TMEM161B: variants seen among roughly 807,000 people sequenced by gnomAD.
The protein encoded by TMEM161B is transmembrane protein 161B.
A neutral mutation model predicts 61.8 loss-of-function variants in TMEM161B; 34 were observed. That is an observed-to-expected ratio of 0.55 (90% CI 0.42 to 0.73). The LOEUF is 0.73. Among genes scored for constraint, TMEM161B ranks in the 30% least tolerant of loss-of-function variants. The probability of loss-of-function intolerance (pLI) is 0.00; values close to 1 mark genes in which losing one functional copy is unlikely to be tolerated. For missense variants in TMEM161B, 456 were observed against 558.5 expected, an observed-to-expected ratio of 0.82 and a Z score of 1.85; for synonymous variants, 167 against 192.8, an observed-to-expected ratio of 0.87 and a Z score of 1.11.
At chr5:88,213,563 G>T (rs1254036560) in intron 5 of TMEM161B, among the ~76,000 whole-genome samples, 6 of 104,314 alleles carry the variant, frequency 5.8e-5, no homozygotes, top group African/African-American at 1.5e-4. Flanking sequence ...AAATACAAAA[G>T]AAAACTATCT....
At chr5:88,238,957 C>G (rs1368882046) in intron 2 of TMEM161B, among the ~76,000 whole-genome samples, 1 of 151,896 alleles carries the variant, frequency 6.6e-6, no homozygotes, top group Non-Finnish European at 1.5e-5. Flanking sequence ...ATCCTTAGAA[C>G]CTGATATGGC....
chr5:88,202,198 G>A, intron 9 of TMEM161B: 2 of 449,702 alleles, frequency 4.4e-6, no homozygotes, highest in South Asian at 3.1e-5. Context: ...AGGAGAGCTG[G>A]AGTTTGAACC....
chr5:88,205,802 T>A lies in TMEM161B; in HGVS notation c.800+12A>T. ...ATTTATCTGCATGTGCTTATGTACA[T>A]TTTCCGCTTACTGTGTAATTTTTTC... On this transcript the variant is annotated intron_variant, in intron 8 of 11. Transcript: ENST00000296595. 6.2e-7 allele frequency: 1 copy of A among 1,611,634 alleles called. No homozygotes were observed.
At chr5:88,258,950 GC>G (rs1215906811) in intron 1 of TMEM161B, among the ~76,000 whole-genome samples, 3 of 152,162 alleles carry the variant, frequency 2.0e-5, no homozygotes, top group Admixed American at 6.5e-5. Flanking sequence ...TTTAAAAACA[GC>G]CATAGCCTTA....
chr5:88,249,094 A>T (rs1753998726), intron 1 of TMEM161B, among the ~76,000 whole-genome samples: 1 of 152,124 alleles, frequency 6.6e-6, no homozygotes, highest in Non-Finnish European at 1.5e-5. Context: ...GTCTGGCCAC[A>T]TTCTCCAGAG....
downstream of TMEM161B, among the ~76,000 whole-genome samples, chr5:88,191,623 T>C (rs865850976): frequency 2.6e-5 from 4 of 152,256 alleles, no homozygotes; most frequent in South Asian, 2.1e-4. Context: ...CATAGCTGTA[T>C]GTTTTTCTCA....
At chr5:88,230,541 G>A (rs1402468971) in intron 2 of TMEM161B, among the ~76,000 whole-genome samples, 3 of 152,108 alleles carry the variant, frequency 2.0e-5, no homozygotes, top group Non-Finnish European at 4.4e-5. Context: ...TCTGACCAAT[G>A]CCTACTTCTC....
intron 2 of TMEM161B, 68 bp from the exon 3 acceptor site, chr5:88,228,596 A>G (rs1750451581): frequency 8.8e-7 from 1 of 1,133,336 alleles, no homozygotes; most frequent in Non-Finnish European, 1.3e-6. Context: ...CATCCTATAA[A>G]TATTTATTAA....
At chr5:88,248,259 C>T (rs1753876769) in intron 1 of TMEM161B, among the ~76,000 whole-genome samples, 1 of 152,128 alleles carries the variant, frequency 6.6e-6, no homozygotes, top group Non-Finnish European at 1.5e-5. Context: ...GCCCATTCTT[C>T]CCACAGGAGT....
intron 4 of TMEM161B, among the ~76,000 whole-genome samples, chr5:88,221,031 T>C (rs893010789): frequency 6.6e-6 from 1 of 152,226 alleles, no homozygotes; most frequent in Non-Finnish European, 1.5e-5. Flanking sequence ...TTAGCTACTT[T>C]TTACAGAAAT....
At chr5:88,208,340 G>C (rs1745960307) in intron 5 of TMEM161B, among the ~76,000 whole-genome samples, 1 of 152,166 alleles carries the variant, frequency 6.6e-6, no homozygotes, top group South Asian at 2.1e-4. Flanking sequence ...AAACTAGCTG[G>C]GCATGGGGGC....
In TMEM161B at chr5:88,257,934, A is replaced by G. The variant is rs929041779; in HGVS notation, c.3+10787T>C. ...TTTAAAAAAGATCTATCTCTCAGAT[A>G]CGTGGCCAATTCTCTCTTTTTAAAT... On this transcript the variant is annotated intron_variant, in intron 1 of 11. Coordinates refer to ENST00000296595, the MANE Select transcript of TMEM161B (RefSeq NM_153354.5). Among the ~76,000 whole-genome samples the G allele has an allele frequency of 5.9e-5, 9 of 152,304 alleles. No homozygotes were observed. The East Asian group carries it at 7.7e-4, about 13-fold the overall frequency.
At chr5:88,228,020 T>A (rs1750350819) in intron 3 of TMEM161B, among the ~76,000 whole-genome samples, 1 of 152,172 alleles carries the variant, frequency 6.6e-6, no homozygotes, top group South Asian at 2.1e-4. Context: ...TACACAGTTA[T>A]ATTGTCCCTC....
intron 5 of TMEM161B, among the ~76,000 whole-genome samples, chr5:88,218,312 T>C (rs1272549315): frequency 6.6e-6 from 1 of 152,064 alleles, no homozygotes; most frequent in Non-Finnish European, 1.5e-5. Flanking sequence ...TAGACACGAA[T>C]AAAATAATTC....
chr5:88,198,874 T>C (rs1317209840), intron 10 of TMEM161B, 102 bp downstream of exon 10: 2 of 956,940 alleles, frequency 2.1e-6, no homozygotes, highest in Non-Finnish European at 3.1e-6. Context: ...ATAATAAGAA[T>C]ATGATGGGTT....
intron 5 of TMEM161B, among the ~76,000 whole-genome samples, chr5:88,219,925 A>G (rs1195704829): frequency 6.6e-6 from 1 of 152,142 alleles, no homozygotes; most frequent in Non-Finnish European, 1.5e-5. Context: ...CAGTGAAGAA[A>G]GTCACAGGAT....
intron 2 of TMEM161B, among the ~76,000 whole-genome samples, chr5:88,231,800 A>G (rs1236930851): frequency 6.6e-6 from 1 of 152,164 alleles, no homozygotes; most frequent in East Asian, 1.9e-4. Context: ...GGGGAAATAC[A>G]GGGTTAGGTT....
intron 4 of TMEM161B, chr5:88,221,655 G>A (rs1199580126): frequency 2.2e-6 from 1 of 454,064 alleles, no homozygotes; most frequent in Non-Finnish European, 4.4e-6. Context: ...TTCTTTGAAA[G>A]TAAATATAAT....
chr5:88,223,449 G>C lies in TMEM161B; in HGVS notation c.289+2320C>G, dbSNP rs192189381. 2.6e-5 allele frequency among the ~76,000 whole-genome samples: 4 copies of C among 152,234 alleles called. No homozygotes were observed. In the East Asian group the frequency reaches 7.7e-4, roughly 29 times the overall value. ...TATTCTTGTATTTATACACGTCTAT[G>C]AACATTTTATACAAGTAAGCGCATA... On this transcript the variant is annotated intron_variant, in intron 4 of 11. Coordinates refer to ENST00000296595, the MANE Select transcript of TMEM161B (RefSeq NM_153354.5).
Sources: gnomAD v4.1 joint callset for allele counts (sites outside exome capture counted in the v4.1 genomes callset) on GRCh38, gnomAD v4.1.1 for gene constraint, MANE v1.5 for transcripts, NCBI Gene and HGNC (gene_info 2026-07-23, HGNC 2026-07-21) for gene names.